STRN: variants seen among roughly 807,000 people sequenced by gnomAD.
STRN encodes striatin.
STRN carries 53 observed loss-of-function variants against 96.3 expected under a neutral mutation model. That is an observed-to-expected ratio of 0.55 (90% CI 0.44 to 0.69). The LOEUF is 0.69. Among genes scored for constraint, STRN ranks in the 30% least tolerant of loss-of-function variants. The probability of loss-of-function intolerance (pLI) is 0.00; values close to 1 mark genes in which losing one functional copy is unlikely to be tolerated. For missense variants in STRN, 987 were observed against 963.9 expected, an observed-to-expected ratio of 1.02 and a Z score of -0.32; for synonymous variants, 428 against 355.9, an observed-to-expected ratio of 1.20 and a Z score of -2.28.
chr2:36,862,441 T>C (rs569705380), intron 12 of STRN, among the ~76,000 whole-genome samples: 2 of 152,346 alleles, frequency 1.3e-5, no homozygotes, highest in South Asian at 2.1e-4. Flanking sequence ...ATAACAGCCA[T>C]TCTGCCTGGT....
chr2:36,871,743 T>C (rs930408609), intron 10 of STRN, among the ~76,000 whole-genome samples: 1 of 152,206 alleles, frequency 6.6e-6, no homozygotes, highest in Admixed American at 6.5e-5. Flanking sequence ...AGTAACAGTA[T>C]CTCTACTTTA....
intron 1 of STRN, among the ~76,000 whole-genome samples, chr2:36,938,198 G>A (rs1670754317): frequency 6.6e-6 from 1 of 152,110 alleles, no homozygotes; most frequent in Admixed American, 6.5e-5. Context: ...GGCCGAGGCG[G>A]GTGGATCACC....
At chr2:36,906,942 AAAAAAAC>A (rs1669837656) in intron 3 of STRN, among the ~76,000 whole-genome samples, 2 of 151,492 alleles carry the variant, frequency 1.3e-5, no homozygotes, top group Non-Finnish European at 2.9e-5. Flanking sequence ...AAAAAAACAA[AAAAAAAC>A]CCTCAAGTAT....
chr2:36,859,018 A>T (rs1174702829), intron 13 of STRN, among the ~76,000 whole-genome samples: 1 of 152,226 alleles, frequency 6.6e-6, no homozygotes, highest in Non-Finnish European at 1.5e-5. Flanking sequence ...AACCACATGA[A>T]AAAAGAAACA....
chr2:36,952,570 T>C (rs1047848324), intron 1 of STRN, among the ~76,000 whole-genome samples: 10 of 152,170 alleles, frequency 6.6e-5, no homozygotes, highest in African/African-American at 2.4e-4. Flanking sequence ...CCTATGCATT[T>C]GGGAATGATT....
chr2:36,925,527 A>G (rs2148231600), intron 1 of STRN, among the ~76,000 whole-genome samples: 1 of 152,322 alleles, frequency 6.6e-6, no homozygotes, highest in East Asian at 1.9e-4. Context: ...CTGTAATCCC[A>G]GCACTTTGGG....
At chr2:36,892,041 T>G (rs1669415234) in intron 7 of STRN, among the ~76,000 whole-genome samples, 1 of 152,226 alleles carries the variant, frequency 6.6e-6, no homozygotes, top group Admixed American at 6.5e-5. Context: ...TCATTTTAAG[T>G]AAAACACACT....
chr2:36,961,922 T>G (rs1441517945), intron 1 of STRN, among the ~76,000 whole-genome samples: 3 of 152,172 alleles, frequency 2.0e-5, no homozygotes, highest in Admixed American at 2.0e-4. Flanking sequence ...AGCTGTTCCT[T>G]CTGTGTAGAA....
intron 15 of STRN, among the ~76,000 whole-genome samples, chr2:36,854,471 A>G (rs1356482679): frequency 6.6e-6 from 1 of 152,190 alleles, no homozygotes; most frequent in Non-Finnish European, 1.5e-5. Flanking sequence ...ACAAAGGAAT[A>G]AAGAAACTTT....
Position 36,884,010 on chromosome 2 carries a change from A to G in STRN, c.1108T>C (p.Leu370=), listed in dbSNP as rs766769721. ...GAAGGTGAACCCACAGATGGCTGCA[A>G]TGAAGGAAGTTCATCAACATCTCTC... The part of the protein sequence containing the change: ...NLRDVDELPS[L]QPSVGSPSRP... The change falls in exon 9 of 18, where the codon TTG becomes CTG. Residue 370 remains leucine, a synonymous_variant. Coordinates refer to ENST00000263918, the MANE Select transcript of STRN (RefSeq NM_003162.4). 4.8e-6 allele frequency: 7 copies of G among 1,446,362 alleles called. No individual in the cohort carries two copies. The highest frequency in any genetic ancestry group is 3.7e-6 in the Non-Finnish European group (4 of 1,093,830). The allele number at this position is 1,446,362 out of a possible 1,614,324, so 89.6% of individuals were successfully genotyped here.
intron 13 of STRN, among the ~76,000 whole-genome samples, chr2:36,859,316 G>C (rs1459571514): frequency 6.6e-6 from 1 of 152,154 alleles, no homozygotes; most frequent in Non-Finnish European, 1.5e-5. Flanking sequence ...AAAGACCTAA[G>C]GCCAGGGGAA....
chr2:36,963,668 G>A (rs978804715), intron 1 of STRN, among the ~76,000 whole-genome samples: 1 of 152,140 alleles, frequency 6.6e-6, no homozygotes, highest in Non-Finnish European at 1.5e-5. Context: ...CAAAAAAGTA[G>A]TGTCCTTGGC....
intron 9 of STRN, among the ~76,000 whole-genome samples, chr2:36,881,494 T>C (rs75991333): frequency 0.01 from 1,564 of 152,330 alleles, 41 homozygotes; most frequent in African/African-American, 0.036. Context: ...ACACAGCATA[T>C]GAACATTCTT....
chr2:36,928,276 G>C (rs558501481), intron 1 of STRN, among the ~76,000 whole-genome samples: 1 of 152,192 alleles, frequency 6.6e-6, no homozygotes, highest in East Asian at 1.9e-4. Flanking sequence ...GAATTGAATT[G>C]AGGAAGGGCG....
At chr2:36,879,020 T>C (rs1668996507) in intron 9 of STRN, among the ~76,000 whole-genome samples, 1 of 152,104 alleles carries the variant, frequency 6.6e-6, no homozygotes, top group Non-Finnish European at 1.5e-5. Context: ...CCCAAAGTGC[T>C]GGGATTACAG....
At chr2:36,866,904 A>C (rs1323358144) in intron 12 of STRN, among the ~76,000 whole-genome samples, 1 of 151,914 alleles carries the variant, frequency 6.6e-6, no homozygotes, top group Non-Finnish European at 1.5e-5. Context: ...CTTTTCTTTG[A>C]GCCTATGGGT....
intron 1 of STRN, among the ~76,000 whole-genome samples, chr2:36,953,085 T>G (rs1238308033): frequency 1.3e-5 from 2 of 152,212 alleles, no homozygotes. Context: ...CACATTCAAA[T>G]GAATGCTAAT....
intron 2 of STRN, 139 bp from the exon 3 acceptor site, chr2:36,916,290 C>A: frequency 1.4e-6 from 1 of 692,088 alleles, no homozygotes; most frequent in South Asian, 2.0e-5. Context: ...TCCATGGTGT[C>A]AAAGTTATAA....
chr2:36,851,061 A>G lies in STRN; in HGVS notation c.2025T>C (p.Thr675=). 3.7e-6 allele frequency: 6 copies of G among 1,613,928 alleles called. No homozygotes were observed. Among genetic ancestry groups the G allele is most frequent in the Non-Finnish European group, 5.1e-6 (6 of 1,179,914 alleles). The change falls in exon 16 of 18, where the codon ACT becomes ACC. Residue 675 remains threonine, a synonymous_variant. Coordinates refer to ENST00000263918, the MANE Select transcript of STRN (RefSeq NM_003162.4). ...CQINRVISHP[T]LPISITAHED... ...CATGAGCAGTGATGCTGATCGGAAG[A>G]GTAGGATGACTGATGACTCTATTTA...
Sources: allele counts gnomAD v4.1 joint callset (sites outside exome capture counted in the v4.1 genomes callset), GRCh38; gene constraint gnomAD v4.1.1; transcripts MANE v1.5; gene names NCBI Gene and HGNC (gene_info 2026-07-23, HGNC 2026-07-21).